Variants in PIK3C2G observed in about 807,000 individuals in gnomAD.
The protein encoded by PIK3C2G is phosphatidylinositol-4-phosphate 3-kinase catalytic subunit type 2 gamma.
In PIK3C2G, 168 loss-of-function variants were observed where a neutral mutation model predicts 181.1. That is an observed-to-expected ratio of 0.93 (90% CI 0.82 to 1.05). PIK3C2G has a LOEUF of 1.05. PIK3C2G is among the 50% of genes least tolerant of loss of function. The probability of loss-of-function intolerance (pLI) is 0.00; values close to 1 mark genes in which losing one functional copy is unlikely to be tolerated. For synonymous variants in PIK3C2G, 573 were observed against 592.2 expected (o/e 0.97, Z 0.47); for missense variants, 1,869 against 1,732.8 (o/e 1.08, Z -1.40).
At chr12:18,292,586 T>C (rs1284025419) in intron 4 of PIK3C2G, among the ~76,000 whole-genome samples, 3 of 152,110 alleles carry the variant, frequency 2.0e-5, no homozygotes, top group African/African-American at 7.2e-5. Flanking sequence ...TTGGGTCATG[T>C]TGTCTTCAGT....
intron 18 of PIK3C2G, among the ~76,000 whole-genome samples, chr12:18,450,318 G>T (rs1465012417): frequency 1.3e-5 from 2 of 152,064 alleles, no homozygotes; most frequent in Admixed American, 6.5e-5. Flanking sequence ...TAGAGATGAG[G>T]TTTCACCATG....
intron 1 of PIK3C2G, among the ~76,000 whole-genome samples, chr12:18,278,013 C>CT (rs557510547): frequency 8.2e-4 from 125 of 152,188 alleles, no homozygotes; most frequent in African/African-American, 2.9e-3. Flanking sequence ...TAATAGAGAG[C>CT]TTTTTTGTGT....
At position 18,538,265 on chromosome 12, in the gene PIK3C2G, A is replaced by G. The variant is rs1943965075; in HGVS notation, c.3433A>G (p.Asn1145Asp). Reference sequence around the variant, plus strand: ...TGTGGAACTTTGCTGTCGTGCTTATAATATTATCAGAAAGCACAGCCAACT... The same window carrying G: ...TGTGGAACTTTGCTGTCGTGCTTATGATATTATCAGAAAGCACAGCCAACT... Reference protein sequence around the residue: ...DFVELCCRAYNIIRKHSQLLL... With the variant: ...DFVELCCRAYDIIRKHSQLLL... Residue 1145 changes from asparagine to aspartate, a missense_variant, in exon 25 of 33, where the codon AAT (asparagine) becomes GAT (aspartate). Coordinates refer to ENST00000538779, the MANE Select transcript of PIK3C2G (RefSeq NM_001288772.2). 1 of 1,611,860 alleles carries G rather than the reference A, an allele frequency of 6.2e-7. No homozygotes were observed. Among genetic ancestry groups the G allele is most frequent in the South Asian group, 1.1e-5 (1 of 90,864 alleles).
chr12:18,579,225 TAATA>T lies in PIK3C2G; in HGVS notation c.4011+12173_4011+12176del, dbSNP rs533341496. 4.0e-3 allele frequency among the ~76,000 whole-genome samples: 616 copies of T among 152,254 alleles called. 5 individuals are homozygous for T. The highest frequency in any genetic ancestry group is 0.014 in the African/African-American group (583 of 41,550). On this transcript the variant is annotated intron_variant, in intron 29 of 32. Coordinates refer to ENST00000538779, the MANE Select transcript of PIK3C2G (RefSeq NM_001288772.2). ...TACTCTCATTGAGTTTACAGTACTGTAATAAATACAGACATGAATATAAATAACA... is the reference window on the plus strand; with the variant it reads ...TACTCTCATTGAGTTTACAGTACTGTAATACAGACATGAATATAAATAACA...
chr12:18,547,590 C>T (rs1944498825), intron 26 of PIK3C2G, among the ~76,000 whole-genome samples: 1 of 151,830 alleles, frequency 6.6e-6, no homozygotes, highest in African/African-American at 2.4e-5. Flanking sequence ...TTTTCCAGTA[C>T]TCAATATTGG....
intron 16 of PIK3C2G, among the ~76,000 whole-genome samples, chr12:18,404,599 C>T (rs1234102882): frequency 2.0e-5 from 3 of 152,004 alleles, no homozygotes; most frequent in South Asian, 2.1e-4. Context: ...AGTGGAGAAG[C>T]GGGGAAATGA....
chr12:18,508,858 C>T (rs955131377), intron 24 of PIK3C2G, among the ~76,000 whole-genome samples: 1 of 152,016 alleles, frequency 6.6e-6, no homozygotes, highest in African/African-American at 2.4e-5. Flanking sequence ...TAAAATGCTC[C>T]AATACCAAAC....
Position 18,594,518 on chromosome 12 carries a change from C to A in PIK3C2G, c.4036C>A (p.Leu1346Ile), listed in dbSNP as rs1947250920. 1 of 1,550,244 alleles carries A rather than the reference C, an allele frequency of 6.5e-7. No individual in the cohort carries two copies. Among genetic ancestry groups the A allele is most frequent in the Admixed American group, 2.1e-5 (1 of 46,882 alleles). Reference protein sequence around the residue: ...TNSDCVLSFFLSEAVQQTVEE... With the variant: ...TNSDCVLSFFISEAVQQTVEE... ...GAGTGATTGTGTACTTAGCTTTTTCCTCTCTGAGGCTGTGCAACAAACAGT... is the reference window on the plus strand; with the variant it reads ...GAGTGATTGTGTACTTAGCTTTTTCATCTCTGAGGCTGTGCAACAAACAGT... Residue 1346 changes from leucine to isoleucine, a missense_variant, in exon 30 of 33, where the codon CTC (leucine) becomes ATC (isoleucine). Physicochemically the swap from Leu to Ile is conservative, Grantham distance 5 (BLOSUM62 2). Transcript: ENST00000538779.
At chr12:18,717,869 T>A in the PIK3C2G span, among the ~76,000 whole-genome samples, 2 of 152,168 alleles carry the variant, frequency 1.3e-5, no homozygotes, top group Non-Finnish European at 2.9e-5. Flanking sequence ...AAAATACGCA[T>A]TCAGTGGAAA....
intron 15 of PIK3C2G, among the ~76,000 whole-genome samples, chr12:18,399,380 T>TA (rs80121817): frequency 0.012 from 1,629 of 139,598 alleles, 19 homozygotes; most frequent in African/African-American, 0.03. Context: ...AATGACATAT[T>TA]AAAAAAAAAA....
chr12:18,418,306 A>C (rs1209712720), intron 16 of PIK3C2G, among the ~76,000 whole-genome samples: 1 of 152,158 alleles, frequency 6.6e-6, no homozygotes, highest in Non-Finnish European at 1.5e-5. Context: ...TTGAAGGAGG[A>C]CTAGAACTTA....
At chr12:18,283,748 A>C (rs988051721) in intron 2 of PIK3C2G, among the ~76,000 whole-genome samples, 2 of 152,098 alleles carry the variant, frequency 1.3e-5, no homozygotes, top group African/African-American at 4.8e-5. Context: ...AGTAAATCTT[A>C]GGGCTGTCTA....
intron 26 of PIK3C2G, among the ~76,000 whole-genome samples, chr12:18,558,573 C>T (rs1945132051): frequency 6.6e-6 from 1 of 152,170 alleles, no homozygotes; most frequent in Non-Finnish European, 1.5e-5. Context: ...TCTCTACTGA[C>T]TTTGTGTCAG....
intron 10 of PIK3C2G, among the ~76,000 whole-genome samples, chr12:18,345,376 C>T (rs1416660176): frequency 6.6e-6 from 1 of 152,142 alleles, no homozygotes; most frequent in Non-Finnish European, 1.5e-5. Context: ...ACTGTTTCAA[C>T]AGAGGGCACA....
At chr12:18,380,660 A>G (rs1002086840) in intron 13 of PIK3C2G, among the ~76,000 whole-genome samples, 5 of 152,238 alleles carry the variant, frequency 3.3e-5, no homozygotes, top group Non-Finnish European at 7.3e-5. Context: ...CCCAAAATTC[A>G]TCCTGCTACA....
intron 19 of PIK3C2G, 75 bp from the exon 20 acceptor site, chr12:18,491,376 A>G: frequency 1.3e-6 from 1 of 780,654 alleles, no homozygotes; most frequent in Non-Finnish European, 2.1e-6. Flanking sequence ...TAATCAATAG[A>G]AGAAAATTAT....
intron 26 of PIK3C2G, among the ~76,000 whole-genome samples, chr12:18,556,448 A>C (rs1024231044): frequency 2.6e-5 from 4 of 152,128 alleles, no homozygotes; most frequent in African/African-American, 9.7e-5. Flanking sequence ...CAGACTTCTT[A>C]CATCCTAACT....
At chr12:18,711,173 G>A in the PIK3C2G span, among the ~76,000 whole-genome samples, 1 of 151,858 alleles carries the variant, frequency 6.6e-6, no homozygotes. Flanking sequence ...AGAAAATGGG[G>A]AACATATACA....
At chr12:18,325,303 T>G (rs1270595142) in intron 8 of PIK3C2G, among the ~76,000 whole-genome samples, 1 of 152,196 alleles carries the variant, frequency 6.6e-6, no homozygotes, top group Non-Finnish European at 1.5e-5. Flanking sequence ...GGAAAGACTG[T>G]ATGTACACAA....
Sources: gnomAD v4.1 joint callset for allele counts (sites outside exome capture counted in the v4.1 genomes callset) on GRCh38, gnomAD v4.1.1 for gene constraint, MANE v1.5 for transcripts, NCBI Gene and HGNC (gene_info 2026-07-23, HGNC 2026-07-21) for gene names.